ASCC3: variants seen among roughly 807,000 people sequenced by gnomAD.
The protein encoded by ASCC3 is ASC-1 complex subunit P200.
A neutral mutation model predicts 256.3 loss-of-function variants in ASCC3; 158 were observed. The observed-to-expected ratio is 0.62, with a 90% confidence interval of 0.54 to 0.70. The LOEUF (loss-of-function observed/expected upper bound fraction) is 0.70, where lower values mean the gene tolerates loss of function less well. Among genes scored for constraint, ASCC3 ranks in the 30% least tolerant of loss-of-function variants. ASCC3 has a pLI of 0.00. For synonymous variants in ASCC3, 948 were observed against 883.4 expected, an observed-to-expected ratio of 1.07 and a Z score of -1.30; for missense variants, 2,259 against 2,626.0, an observed-to-expected ratio of 0.86 and a Z score of 3.05.
chr6:100,867,340 ATT>A (rs1773529374), intron 2 of ASCC3, among the ~76,000 whole-genome samples: 2 of 152,190 alleles, frequency 1.3e-5, no homozygotes, highest in South Asian at 4.1e-4. Flanking sequence ...TGTACATTTA[ATT>A]TTTGTTTCTT....
chr6:100,718,004 T>C (rs1779163411), intron 12 of ASCC3, 71 bp downstream of exon 12: 1 of 1,468,020 alleles, frequency 6.8e-7, no homozygotes, highest in Non-Finnish European at 9.4e-7. Context: ...TTGGAGTCTC[T>C]AACTCCAAAC....
intron 8 of ASCC3, among the ~76,000 whole-genome samples, chr6:100,797,681 G>A (rs1230277734): frequency 6.6e-6 from 1 of 151,878 alleles, no homozygotes; most frequent in Non-Finnish European, 1.5e-5. Flanking sequence ...TTGATACGTG[G>A]ACCTCTTCGA....
chr6:100,532,398 ATATATATATTTTTTT>A (rs1774948354), intron 37 of ASCC3, among the ~76,000 whole-genome samples: 3 of 46,396 alleles, frequency 6.5e-5, no homozygotes, highest in African/African-American at 2.6e-4. Flanking sequence ...ATATATATAT[ATATATATATTTTTTT>A]TTTTTTTTTT....
At chr6:100,817,251 A>G (rs1770797144) in intron 4 of ASCC3, among the ~76,000 whole-genome samples, 1 of 152,018 alleles carries the variant, frequency 6.6e-6, no homozygotes. Context: ...AAGATCCAAC[A>G]GAACAAAACT....
At chr6:100,711,640 G>T (rs12214151) in intron 13 of ASCC3, among the ~76,000 whole-genome samples, 62,384 of 151,986 alleles carry the variant, frequency 0.41, 13,313 homozygotes, top group South Asian at 0.6. Context: ...TGAAGTAAGA[G>T]AATCACTTGA....
At chr6:100,867,830 G>T in intron 2 of ASCC3, 78 bp downstream of exon 2, 2 of 1,246,522 alleles carry the variant, frequency 1.6e-6, no homozygotes, top group South Asian at 1.3e-5. Flanking sequence ...ACATAGAATG[G>T]AGAAAAAGAA....
rs550326463 is a variant in ASCC3 at position 100,518,281 on chromosome 6, C to A, written c.5776-139G>T. 27 of 942,648 alleles carry A rather than the reference C, an allele frequency of 2.9e-5. No homozygotes were observed. The South Asian group carries it at 3.9e-4, about 14-fold the overall frequency. The allele number at this position is 942,648 out of a possible 1,614,324, so 58.4% of individuals were successfully genotyped here. A position where few individuals can be genotyped will look rare whatever the true frequency, so the allele number is the denominator to read the frequency against. ...AAATTACTATTCATCAACATAGAAACCAGAAAATAAATCACAGTTGGATTG... is the reference window on the plus strand; with the variant it reads ...AAATTACTATTCATCAACATAGAAAACAGAAAATAAATCACAGTTGGATTG... On this transcript the variant is annotated intron_variant, in intron 37 of 41. Transcript: ENST00000369162.
intron 36 of ASCC3, among the ~76,000 whole-genome samples, chr6:100,560,068 C>A (rs184163642): frequency 6.6e-6 from 1 of 152,078 alleles, no homozygotes; most frequent in East Asian, 1.9e-4. Context: ...ACCTGTCAAT[C>A]AAATAGCTAA....
At chr6:100,787,419 T>A (rs1046140451) in intron 8 of ASCC3, among the ~76,000 whole-genome samples, 10 of 152,056 alleles carry the variant, frequency 6.6e-5, no homozygotes, top group African/African-American at 2.4e-4. Flanking sequence ...AAGTATATAA[T>A]CTTTGTGGTT....
intron 8 of ASCC3, among the ~76,000 whole-genome samples, chr6:100,793,992 GC>G (rs1769479550): frequency 6.6e-6 from 1 of 151,882 alleles, no homozygotes; most frequent in Non-Finnish European, 1.5e-5. Flanking sequence ...TCTTCTCTCT[GC>G]CTCATCCCCT....
chr6:100,878,499 A>T (rs4840157), intron 1 of ASCC3, among the ~76,000 whole-genome samples: 1 of 152,072 alleles, frequency 6.6e-6, no homozygotes, highest in Non-Finnish European at 1.5e-5. Flanking sequence ...TTAACACCAG[A>T]TAAGGACAAG....
chr6:100,848,614 GT>G lies in ASCC3; in HGVS notation c.334del (p.Thr112GlnfsTer41). The G allele has an allele frequency of 6.2e-7, 1 of 1,614,106 alleles. No individual in the cohort carries two copies. The highest frequency in any genetic ancestry group is 8.5e-7 in the Non-Finnish European group (1 of 1,180,014). On this transcript the variant is annotated frameshift_variant, in exon 4 of 42. Coordinates refer to ENST00000369162, the MANE Select transcript of ASCC3 (RefSeq NM_006828.4). LOFTEE classifies it high-confidence loss of function. Reference sequence around the variant, plus strand: ...GCCAAACATCTGTTTGATAGCCTTTGTTTCCTTGTGACCAACAGAGTCCTTC... The same window carrying G: ...GCCAAACATCTGTTTGATAGCCTTTGTTCCTTGTGACCAACAGAGTCCTTC... Reference protein sequence around the residue: ...HLKDSVGHKETKAIKQMFGPF... With the variant: ...HLKDSVGHKEXKAIKQMFGPF...
chr6:100,575,650 A>G (rs963545790), intron 36 of ASCC3, among the ~76,000 whole-genome samples: 3 of 152,086 alleles, frequency 2.0e-5, no homozygotes, highest in African/African-American at 7.2e-5. Flanking sequence ...TACTTTTAAT[A>G]TTCGATATAT....
At chr6:100,847,999 A>G in intron 4 of ASCC3, 149 bp downstream of exon 4, 1 of 709,902 alleles carries the variant, frequency 1.4e-6, no homozygotes, top group South Asian at 2.3e-5. Flanking sequence ...ACGTATATAC[A>G]GGCCTGCTAT....
intron 1 of ASCC3, among the ~76,000 whole-genome samples, chr6:100,876,562 T>C (rs1335840077): frequency 1.3e-5 from 2 of 152,186 alleles, no homozygotes; most frequent in Non-Finnish European, 2.9e-5. Context: ...GATGTTCAAC[T>C]AGGAGGTCTT....
At position 100,768,144 on chromosome 6, in the gene ASCC3, G is replaced by A. The variant is rs377118357; in HGVS notation, c.1396-799C>T. Among the ~76,000 whole-genome samples, 186 of 152,150 alleles carry A rather than the reference G, an allele frequency of 1.2e-3. 1 individual carries two copies. Among genetic ancestry groups the A allele is most frequent in the Middle Eastern group, 0.01 (3 of 292 alleles). On this transcript the variant is annotated intron_variant, in intron 8 of 41. Coordinates refer to ENST00000369162, the MANE Select transcript of ASCC3 (RefSeq NM_006828.4). ...TAAAAAAACCTTTTTTTAAAACGCA[G>A]CAGTAATAGTAGGAACAAAAGCCAT...
At position 100,784,040 on chromosome 6, in the gene ASCC3, A is replaced by G. The variant is rs34783327; in HGVS notation, c.1395+14673T>C. On this transcript the variant is annotated intron_variant, in intron 8 of 41. Transcript: ENST00000369162. Reference sequence around the variant, plus strand: ...GCAGAGCAAAGATTGAAACTCAGGTATCTGACACCAAAGTCTAAATTAAAA... The same window carrying G: ...GCAGAGCAAAGATTGAAACTCAGGTGTCTGACACCAAAGTCTAAATTAAAA... Among the ~76,000 whole-genome samples, 1,967 of 152,298 alleles carry G rather than the reference A, an allele frequency of 0.013. 99 individuals are homozygous for G. In the East Asian group the frequency reaches 0.15, roughly 12 times the overall value.
chr6:100,750,831 G>A (rs1039030), intron 10 of ASCC3, among the ~76,000 whole-genome samples: 73,015 of 151,592 alleles, frequency 0.48, 17,613 homozygotes, highest in South Asian at 0.68. Context: ...CTGTACTAAT[G>A]CTGGTGACCA....
At position 100,767,136 on chromosome 6, in the gene ASCC3, T is replaced by G. The variant is rs1427624867; in HGVS notation, c.1596+9A>C. The G allele has an allele frequency of 6.2e-7, 1 of 1,611,842 alleles. No homozygotes were observed. Among genetic ancestry groups the G allele is most frequent in the Non-Finnish European group, 8.5e-7 (1 of 1,177,964 alleles). On this transcript the variant is annotated intron_variant, in intron 9 of 41. Transcript: ENST00000369162. ...ATTTAAAAAGCTGTTGTCTGATTTA[T>G]TTACTTACCTTAAATTCATTCTTTT...
Sources: gnomAD v4.1 joint callset for allele counts (sites outside exome capture counted in the v4.1 genomes callset) on GRCh38, gnomAD v4.1.1 for gene constraint, MANE v1.5 for transcripts, NCBI Gene and HGNC (gene_info 2026-07-23, HGNC 2026-07-21) for gene names.